Variants in SNX27 observed in about 807,000 individuals in gnomAD.
The protein encoded by SNX27 is sorting nexin-27.
SNX27 carries 22 observed loss-of-function variants against 71.6 expected under a neutral mutation model. The ratio of observed to expected loss-of-function variants is 0.31; its 90% CI spans 0.22 to 0.44. The LOEUF (loss-of-function observed/expected upper bound fraction) is 0.44. Among genes scored for constraint, SNX27 ranks in the 20% least tolerant of loss-of-function variants. The pLI, the probability that SNX27 is intolerant of heterozygous loss-of-function variation, is 1.00. For synonymous variants in SNX27, 269 were observed against 277.2 expected (o/e 0.97, Z 0.29); for missense variants, 531 against 698.6 (o/e 0.76, Z 2.70).
intron 6 of SNX27, 61 bp from the exon 7 acceptor site, chr1:151,668,411 A>G (rs2102695166): frequency 6.7e-7 from 1 of 1,486,656 alleles, no homozygotes; most frequent in South Asian, 1.3e-5. Context: ...TACATAGTTT[A>G]TACTAGGGAA....
chr1:151,691,927 C>T (rs182580216), intron 8 of SNX27, among the ~76,000 whole-genome samples: 4 of 152,216 alleles, frequency 2.6e-5, no homozygotes, highest in Admixed American at 2.0e-4. Context: ...TAGCCAGGCA[C>T]GGTGGCTCAT....
intron 8 of SNX27, among the ~76,000 whole-genome samples, chr1:151,689,420 C>G (rs537163690): frequency 1.3e-5 from 2 of 152,332 alleles, no homozygotes; most frequent in East Asian, 3.9e-4. Flanking sequence ...GAATAACTTA[C>G]TCAAGGTCAC....
Position 151,696,465 on chromosome 1 carries a change from C to CTT in SNX27, c.*2050_*2051dup, listed in dbSNP as rs746378705. On this transcript the variant is annotated 3_prime_UTR_variant, in exon 12 of 12. Transcript: ENST00000458013. ...GCAAATCATTGTGAGGCCACTTTTT[C>CTT]TTTCTTTCTTTCTTTCTTTCTTTCT... is the stretch of plus-strand genomic sequence containing the variant. 1 of 48,558 alleles carries CTT rather than the reference C, an allele frequency of 2.1e-5. No homozygotes were observed. The highest frequency in any genetic ancestry group is 6.0e-5 in the African/African-American group (1 of 16,570). The allele number at this position is 48,558 out of a possible 1,614,324, so 3.0% of individuals were successfully genotyped here.
At chr1:151,689,890 G>A (rs889682942) in intron 8 of SNX27, among the ~76,000 whole-genome samples, 1 of 151,780 alleles carries the variant, frequency 6.6e-6, no homozygotes, top group South Asian at 2.1e-4. Context: ...TGTTGCCCAG[G>A]CAGGCTGGAG....
At position 151,628,099 on chromosome 1, in the gene SNX27, T is replaced by C. The variant is rs535578830; in HGVS notation, c.312-10789T>C. Among the ~76,000 whole-genome samples, 20 of 151,094 alleles carry C rather than the reference T, an allele frequency of 1.3e-4. No homozygotes were observed. The South Asian group carries it at 4.2e-3, about 32-fold the overall frequency. On this transcript the variant is annotated intron_variant, in intron 1 of 11. Coordinates refer to ENST00000458013, the MANE Select transcript of SNX27 (RefSeq NM_001330723.2). ...TTGGCTCACTGCAACCTACACCTCC[T>C]GGGTTCAAGCGATTCTCCTGCCGCA...
At chr1:151,628,209 A>G (rs1367172482) in intron 1 of SNX27, among the ~76,000 whole-genome samples, 6 of 151,796 alleles carry the variant, frequency 4.0e-5, no homozygotes, top group African/African-American at 7.3e-5. Flanking sequence ...GTTTTACCGT[A>G]TTGGCCAGGC....
chr1:151,625,809 G>A (rs1021249630), intron 1 of SNX27, among the ~76,000 whole-genome samples: 3 of 151,218 alleles, frequency 2.0e-5, no homozygotes, highest in African/African-American at 7.3e-5. Flanking sequence ...AAAGCAGGGT[G>A]TGGTGGCACA....
At chr1:151,643,717 A>G (rs1668894821) in intron 2 of SNX27, among the ~76,000 whole-genome samples, 2 of 149,874 alleles carry the variant, frequency 1.3e-5, no homozygotes, top group Admixed American at 6.7e-5. Context: ...CTAGAGTGCA[A>G]TAGTGCAATC....
At chr1:151,653,836 G>GTT (rs60604221) in intron 2 of SNX27, among the ~76,000 whole-genome samples, 2,711 of 129,640 alleles carry the variant, frequency 0.021, 58 homozygotes, top group Middle Eastern at 0.039. Context: ...AGTTTTTTTT[G>GTT]TTTTTTTTTT....
At chr1:151,686,434 A>G (rs370259979) in intron 8 of SNX27, among the ~76,000 whole-genome samples, 2 of 152,250 alleles carry the variant, frequency 1.3e-5, no homozygotes, top group African/African-American at 4.8e-5. Context: ...AAACTCAAGT[A>G]TAGTTGATAG....
intron 1 of SNX27, among the ~76,000 whole-genome samples, chr1:151,633,325 G>A (rs1668327005): frequency 1.3e-5 from 2 of 152,078 alleles, no homozygotes; most frequent in African/African-American, 2.4e-5. Context: ...CTGACACAGA[G>A]TCTCACTTTG....
chr1:151,667,165 G>T (rs1670224923), intron 6 of SNX27: 1 of 147,736 alleles, frequency 6.8e-6, no homozygotes, highest in Non-Finnish European at 1.5e-5. Flanking sequence ...AGGAGGATCA[G>T]TTGAGCCTAG....
chr1:151,625,897 G>A (rs900889339), intron 1 of SNX27, among the ~76,000 whole-genome samples: 5 of 151,794 alleles, frequency 3.3e-5, no homozygotes, highest in Non-Finnish European at 5.9e-5. Flanking sequence ...GTAGTGAGCC[G>A]AGATCAGGCC....
intron 1 of SNX27, among the ~76,000 whole-genome samples, chr1:151,627,051 C>T (rs1018412276): frequency 6.6e-6 from 1 of 152,076 alleles, no homozygotes; most frequent in Non-Finnish European, 1.5e-5. Flanking sequence ...TAGGCCATTT[C>T]GGCTGACAGC....
chr1:151,693,984 CAAAG>C, intron 11 of SNX27: 1 of 1,224,244 alleles, frequency 8.2e-7, no homozygotes, highest in Non-Finnish European at 1.0e-6. Flanking sequence ...TACTTATTCT[CAAAG>C]AAAATCTTTG....
At chr1:151,673,986 T>G (rs1670554718) in intron 7 of SNX27, among the ~76,000 whole-genome samples, 1 of 152,158 alleles carries the variant, frequency 6.6e-6, no homozygotes, top group African/African-American at 2.4e-5. Flanking sequence ...TTTTTTTTAT[T>G]TATTCAGCCA....
At chr1:151,641,589 C>T (rs1668720129) in intron 2 of SNX27, among the ~76,000 whole-genome samples, 2 of 54,302 alleles carry the variant, frequency 3.7e-5, no homozygotes, top group African/African-American at 6.3e-5. Flanking sequence ...TTCTACAAGT[C>T]CTTTATCAGA....
chr1:151,672,931 G>T, intron 7 of SNX27, among the ~76,000 whole-genome samples: 2 of 148,454 alleles, frequency 1.3e-5, no homozygotes, highest in Admixed American at 6.7e-5. Flanking sequence ...CCAACTTTTT[G>T]TTTCATTGCT....
rs150548161 is a variant in SNX27, at chr1:151,652,671, A to C, written c.544-5564A>C. ...TGTGATCCACCCGCCTCGACCTCCC[A>C]AAGTGCTGGAATTACAGGCGTGAGC... On this transcript the variant is annotated intron_variant, in intron 2 of 11. Transcript: ENST00000458013. Among the ~76,000 whole-genome samples the C allele has an allele frequency of 3.1e-3, 470 of 152,014 alleles. 1 individual carries two copies. Among genetic ancestry groups the C allele is most frequent in the African/African-American group, 0.011 (448 of 41,494 alleles).
Sources: allele counts gnomAD v4.1 joint callset (sites outside exome capture counted in the v4.1 genomes callset), GRCh38; gene constraint gnomAD v4.1.1; transcripts MANE v1.5; gene names NCBI Gene and HGNC (gene_info 2026-07-23, HGNC 2026-07-21).